TAX1BP1: variants seen among roughly 807,000 people sequenced by gnomAD.
TAX1BP1 encodes the protein Tax1 binding protein 1.
A neutral mutation model predicts 97.7 loss-of-function variants in TAX1BP1; 62 were observed. The ratio of observed to expected loss-of-function variants is 0.63; its 90% CI spans 0.52 to 0.78. The LOEUF is 0.78. TAX1BP1 is among the 30% of genes least tolerant of loss of function. TAX1BP1 has a pLI of 0.00. For synonymous variants in TAX1BP1, 340 were observed against 304.2 expected (o/e 1.12, Z -1.23); for missense variants, 867 against 916.1 (o/e 0.95, Z 0.69).
chr7:27,750,640 G>A (rs1017130368), intron 2 of TAX1BP1, among the ~76,000 whole-genome samples: 1 of 152,336 alleles, frequency 6.6e-6, no homozygotes, highest in Middle Eastern at 3.4e-3. Context: ...CTGAAGGACA[G>A]TGGGAAGTCT....
intron 1 of TAX1BP1, among the ~76,000 whole-genome samples, chr7:27,740,923 C>T (rs989664081): frequency 1.3e-5 from 2 of 152,212 alleles, no homozygotes; most frequent in African/African-American, 4.8e-5. Context: ...CTAGTCCCGA[C>T]CGACTTGCAC....
At chr7:27,778,341 T>C (rs1200461064) in intron 5 of TAX1BP1, among the ~76,000 whole-genome samples, 1 of 152,170 alleles carries the variant, frequency 6.6e-6, no homozygotes, top group East Asian at 1.9e-4. Context: ...GCCTGGTAAC[T>C]GTCGGTGGTC....
chr7:27,751,962 A>C (rs913315226), intron 2 of TAX1BP1, among the ~76,000 whole-genome samples: 14 of 152,090 alleles, frequency 9.2e-5, no homozygotes, highest in Admixed American at 2.0e-4. Flanking sequence ...TACAGATACC[A>C]GTTTTAGAAG....
intron 2 of TAX1BP1, among the ~76,000 whole-genome samples, chr7:27,754,919 G>A (rs1788154360): frequency 6.6e-6 from 1 of 151,826 alleles, no homozygotes; most frequent in Admixed American, 6.6e-5. Context: ...GAATGTTGCT[G>A]GCATATCTCA....
intron 4 of TAX1BP1, among the ~76,000 whole-genome samples, chr7:27,767,983 A>G (rs910855895): frequency 1.9e-4 from 29 of 152,152 alleles, no homozygotes; most frequent in African/African-American, 6.0e-4. Flanking sequence ...TGTTGACATT[A>G]AAAGTGATTA....
intron 8 of TAX1BP1, among the ~76,000 whole-genome samples, chr7:27,790,383 C>G (rs558597657): frequency 6.6e-6 from 1 of 151,422 alleles, no homozygotes; most frequent in Non-Finnish European, 1.5e-5. Flanking sequence ...ATTTATAATC[C>G]GTAGAATAAG....
chr7:27,750,181 A>T (rs1214560325), intron 2 of TAX1BP1, among the ~76,000 whole-genome samples: 1 of 152,190 alleles, frequency 6.6e-6, no homozygotes, highest in Admixed American at 6.5e-5. Context: ...CAGAGCAGAG[A>T]GGAAGAAAAC....
chr7:27,746,691 G>C (rs187446661), intron 1 of TAX1BP1, among the ~76,000 whole-genome samples: 2 of 148,052 alleles, frequency 1.4e-5, no homozygotes, highest in East Asian at 4.2e-4. Context: ...TTAGTGCAGA[G>C]GTAAAGGGGG....
intron 14 of TAX1BP1, 54 bp downstream of exon 14, chr7:27,816,574 G>T: frequency 7.0e-7 from 1 of 1,426,692 alleles, no homozygotes; most frequent in Non-Finnish European, 9.3e-7. Flanking sequence ...TTTTTTTATG[G>T]TTTATATTTT....
intron 13 of TAX1BP1, among the ~76,000 whole-genome samples, chr7:27,809,427 A>G (rs1432289997): frequency 6.6e-6 from 1 of 152,082 alleles, no homozygotes; most frequent in African/African-American, 2.4e-5. Context: ...AATAGATACA[A>G]TTTTTTTTGC....
At chr7:27,768,795 A>G (rs2128312241) in intron 4 of TAX1BP1, among the ~76,000 whole-genome samples, 1 of 152,142 alleles carries the variant, frequency 6.6e-6, no homozygotes, top group South Asian at 2.1e-4. Flanking sequence ...GTTTGCAGCT[A>G]TTCAACTTTG....
At chr7:27,756,156 TC>T (rs1391226503) in intron 2 of TAX1BP1, among the ~76,000 whole-genome samples, 1 of 152,176 alleles carries the variant, frequency 6.6e-6, no homozygotes, top group Non-Finnish European at 1.5e-5. Flanking sequence ...CTGCATAATT[TC>T]CTGATGTTCA....
intron 5 of TAX1BP1, among the ~76,000 whole-genome samples, chr7:27,784,482 T>C (rs1315025464): frequency 1.3e-5 from 2 of 152,168 alleles, no homozygotes; most frequent in Non-Finnish European, 2.9e-5. Flanking sequence ...GCAAGAAGAT[T>C]AGGAACATGG....
At chr7:27,788,127 G>C (rs780906431) in intron 8 of TAX1BP1, among the ~76,000 whole-genome samples, 2 of 151,994 alleles carry the variant, frequency 1.3e-5, no homozygotes, top group Non-Finnish European at 2.9e-5. Flanking sequence ...TATTTTTGGA[G>C]AAGACAGGCT....
Position 27,794,466 on chromosome 7 carries a change from T to C in TAX1BP1, c.1534+20T>C. 2 of 1,592,102 alleles carry C rather than the reference T, an allele frequency of 1.3e-6. No homozygotes were observed. Among genetic ancestry groups the C allele is most frequent in the South Asian group, 2.3e-5 (2 of 85,976 alleles). On this transcript the variant is annotated intron_variant, in intron 11 of 16. Transcript: ENST00000396319. ...CTGCAGGTAAAAATCTTTTAGACTT[T>C]TTGTGTAGGGTGTCCTACATTGAAA... is the stretch of plus-strand genomic sequence containing the variant.
At chr7:27,774,520 A>G (rs1392016877) in intron 5 of TAX1BP1, among the ~76,000 whole-genome samples, 3 of 152,138 alleles carry the variant, frequency 2.0e-5, no homozygotes, top group African/African-American at 7.2e-5. Flanking sequence ...ATAGATAACA[A>G]TGAGTTTTGG....
At chr7:27,767,116 T>C (rs1372695400) in intron 4 of TAX1BP1, among the ~76,000 whole-genome samples, 1 of 152,142 alleles carries the variant, frequency 6.6e-6, no homozygotes, top group Non-Finnish European at 1.5e-5. Flanking sequence ...GATCACATTT[T>C]TCAATATCTT....
intron 13 of TAX1BP1, among the ~76,000 whole-genome samples, chr7:27,805,859 A>C (rs1790316309): frequency 6.6e-6 from 1 of 151,240 alleles, no homozygotes; most frequent in Non-Finnish European, 1.5e-5. Context: ...ACAACAACAA[A>C]ATGCATATTC....
chr7:27,806,673 T>C (rs578027808), intron 13 of TAX1BP1, among the ~76,000 whole-genome samples: 1 of 152,288 alleles, frequency 6.6e-6, no homozygotes, highest in Admixed American at 6.5e-5. Flanking sequence ...TCTATTTTAA[T>C]ATTTGGTTGG....
Sources: gnomAD v4.1 joint callset for allele counts (sites outside exome capture counted in the v4.1 genomes callset) on GRCh38, gnomAD v4.1.1 for gene constraint, MANE v1.5 for transcripts, NCBI Gene and HGNC (gene_info 2026-07-23, HGNC 2026-07-21) for gene names.